FHAD1: variants seen among roughly 807,000 people sequenced by gnomAD.
The protein encoded by FHAD1 is forkhead associated phosphopeptide binding domain 1.
In FHAD1, 146 loss-of-function variants were observed where a neutral mutation model predicts 191.3. The ratio of observed to expected loss-of-function variants is 0.76; its 90% CI spans 0.67 to 0.88. The LOEUF (loss-of-function observed/expected upper bound fraction) is 0.88. Ranked by LOEUF, FHAD1 falls within the 40% of genes least tolerant of loss-of-function variation. FHAD1 has a pLI of 0.00. For synonymous variants in FHAD1, 616 were observed against 672.3 expected, an observed-to-expected ratio of 0.92 and a Z score of 1.29; for missense variants, 1,635 against 1,785.8, an observed-to-expected ratio of 0.92 and a Z score of 1.52.
chr1:15,346,151 C>G (rs1161579020), intron 18 of FHAD1, among the ~76,000 whole-genome samples: 1 of 152,142 alleles, frequency 6.6e-6, no homozygotes, highest in African/African-American at 2.4e-5. Flanking sequence ...CCCAAGCGCC[C>G]TTGTTCCTCA....
intron 2 of FHAD1, among the ~76,000 whole-genome samples, chr1:15,257,369 G>A (rs975493309): frequency 1.3e-5 from 2 of 152,212 alleles, no homozygotes; most frequent in African/African-American, 2.4e-5. Flanking sequence ...CCCATGCTAT[G>A]CGTGAACCCC....
At chr1:15,340,418 C>T (rs1318998142) in intron 15 of FHAD1, among the ~76,000 whole-genome samples, 2 of 152,142 alleles carry the variant, frequency 1.3e-5, no homozygotes, top group Non-Finnish European at 2.9e-5. Flanking sequence ...TGTTAGCTGG[C>T]CTTTGGTTGA....
intron 1 of FHAD1, 91 bp from the exon 2 acceptor site, chr1:15,251,680 T>C: frequency 2.0e-6 from 2 of 997,654 alleles, no homozygotes; most frequent in African/African-American, 3.3e-5. Flanking sequence ...GACATGACTC[T>C]GTGGTTATTT....
chr1:15,327,391 C>T lies in FHAD1; in HGVS notation c.1557+249C>T, dbSNP rs1354586998. On this transcript the variant is annotated intron_variant, in intron 12 of 33. Coordinates refer to ENST00000688493, the MANE Select transcript of FHAD1 (RefSeq NM_001391957.1). The surrounding 1 kb of genome is among the most constrained non-coding windows in gnomAD (Gnocchi z 5.1). ...TAAACCATTCGGGCTTACTTCTGGT[C>T]TCCAGACATGCATGTTTCGCCTCCA... 4.7e-6 allele frequency: 2 copies of T among 424,086 alleles called. No homozygotes were observed. The highest frequency in any genetic ancestry group is 8.4e-6 in the Non-Finnish European group (2 of 237,810). The allele number at this position is 424,086 out of a possible 1,614,324, so 26.3% of individuals were successfully genotyped here. A position where few individuals can be genotyped will look rare whatever the true frequency, so the allele number is the denominator to read the frequency against.
chr1:15,381,185 A>C lies in FHAD1; in HGVS notation c.3802-46A>C. On this transcript the variant is annotated intron_variant, in intron 29 of 33. Coordinates refer to ENST00000688493, the MANE Select transcript of FHAD1 (RefSeq NM_001391957.1). The surrounding 1 kb of genome is among the most constrained non-coding windows in gnomAD (Gnocchi z 4.6). ...CATTGGCCTCCTTAAAGCGGCCACC[A>C]GCGGCCGCGGGTAATGCCTCTTATG... The C allele has an allele frequency of 6.1e-6, 8 of 1,314,614 alleles. No individual in the cohort carries two copies. Among genetic ancestry groups the C allele is most frequent in the African/African-American group, 1.5e-5 (1 of 68,230 alleles). The allele number at this position is 1,314,614 out of a possible 1,614,324, so 81.4% of individuals were successfully genotyped here. A position where few individuals can be genotyped will look rare whatever the true frequency, so the allele number is the denominator to read the frequency against.
Position 15,329,318 on chromosome 1 carries a change from G to A in FHAD1, c.1711-28G>A. Reference sequence around the variant, plus strand: ...GGGCTATTTCTGGCCACAGGGCCTGGGCTCCTCATGATCTCACCTCTTTGC... The same window carrying A: ...GGGCTATTTCTGGCCACAGGGCCTGAGCTCCTCATGATCTCACCTCTTTGC... On this transcript the variant is annotated intron_variant, in intron 13 of 33. Transcript: ENST00000688493. The surrounding 1 kb of genome is among the most constrained non-coding windows in gnomAD (Gnocchi z 5.0). The A allele has an allele frequency of 6.6e-7, 1 of 1,517,696 alleles. No individual in the cohort carries two copies. The highest frequency in any genetic ancestry group is 8.9e-7 in the Non-Finnish European group (1 of 1,123,112). The allele number at this position is 1,517,696 out of a possible 1,614,324, so 94.0% of individuals were successfully genotyped here.
At chr1:15,387,832 C>T (rs1702530323) in intron 31 of FHAD1, among the ~76,000 whole-genome samples, 1 of 152,164 alleles carries the variant, frequency 6.6e-6, no homozygotes, top group Non-Finnish European at 1.5e-5. Flanking sequence ...CTACAGTGAG[C>T]CATCGTCGTG....
chr1:15,293,496 A>G (rs1038460961), intron 4 of FHAD1, among the ~76,000 whole-genome samples: 32 of 152,224 alleles, frequency 2.1e-4, no homozygotes, highest in Non-Finnish European at 2.8e-4. Flanking sequence ...AAGGAGGGCG[A>G]ATCACAAGGT....
At chr1:15,370,459 T>G (rs1001390755) in intron 26 of FHAD1, among the ~76,000 whole-genome samples, 1 of 152,232 alleles carries the variant, frequency 6.6e-6, no homozygotes, top group African/African-American at 2.4e-5. Flanking sequence ...TTCCAACCAG[T>G]CCCCTCTTGA....
chr1:15,264,548 ATGTGTGTGTG>A (rs71572146), intron 2 of FHAD1, among the ~76,000 whole-genome samples: 15 of 147,356 alleles, frequency 1.0e-4, no homozygotes, highest in Non-Finnish European at 1.8e-4. Context: ...ATATGTATAT[ATGTGTGTGTG>A]TGTGTGTGTG....
chr1:15,390,492 G>C (rs1703707069), intron 32 of FHAD1, among the ~76,000 whole-genome samples: 1 of 152,068 alleles, frequency 6.6e-6, no homozygotes, highest in Non-Finnish European at 1.5e-5. Flanking sequence ...CCGGCCCCTG[G>C]GTTTGCTGCC....
At chr1:15,277,683 T>C (rs570979001) in intron 3 of FHAD1, among the ~76,000 whole-genome samples, 2 of 152,170 alleles carry the variant, frequency 1.3e-5, no homozygotes, top group Non-Finnish European at 2.9e-5. Flanking sequence ...GGGGATGATA[T>C]ATCGTGTGGG....
chr1:15,267,821 ATTT>A (rs1172916667), intron 2 of FHAD1, among the ~76,000 whole-genome samples: 1 of 147,318 alleles, frequency 6.8e-6, no homozygotes, highest in Non-Finnish European at 1.5e-5. Context: ...ATAAATATAA[ATTT>A]TATATAGCAT....
rs575846644 is a variant in FHAD1, at chr1:15,381,341, T to G, written c.3912T>G (p.Leu1304=). 29 of 1,551,714 alleles carry G rather than the reference T, an allele frequency of 1.9e-5. No individual in the cohort carries two copies. The Admixed American group carries it at 2.5e-4, about 14-fold the overall frequency. Residue 1304 remains leucine (L), a synonymous_variant, in exon 30 of 34, where the codon CTT becomes CTG. Coordinates refer to ENST00000688493, the MANE Select transcript of FHAD1 (RefSeq NM_001391957.1). The surrounding 1 kb of genome is among the most constrained non-coding windows in gnomAD (Gnocchi z 4.6). Reference sequence around the variant, plus strand: ...AGGAGAGGGAGAAGGTCAACCAGCTTCGACAAAGGGACCTCGACCTGGTGT... The same window carrying G: ...AGGAGAGGGAGAAGGTCAACCAGCTGCGACAAAGGGACCTCGACCTGGTGT... The part of the protein sequence containing the change: ...SRQEREKVNQ[L]RQRDLDLVFD...
chr1:15,308,504 A>G, intron 6 of FHAD1, 109 bp from the exon 7 acceptor site: 1 of 1,454,002 alleles, frequency 6.9e-7, no homozygotes, highest in Non-Finnish European at 9.2e-7. Context: ...TTTCCCCAAC[A>G]CCCCAGCCAA....
intron 18 of FHAD1, among the ~76,000 whole-genome samples, chr1:15,346,388 C>T (rs1688930008): frequency 6.6e-6 from 1 of 152,222 alleles, no homozygotes; most frequent in African/African-American, 2.4e-5. Flanking sequence ...CAAAAATGGA[C>T]TAGAAGCCTT....
intron 3 of FHAD1, among the ~76,000 whole-genome samples, chr1:15,273,827 C>T (rs896933711): frequency 1.3e-5 from 2 of 152,186 alleles, no homozygotes; most frequent in African/African-American, 4.8e-5. Context: ...CACCGTCGAT[C>T]CACAGAACTC....
intron 14 of FHAD1, among the ~76,000 whole-genome samples, chr1:15,333,371 G>A (rs560880361): frequency 7.2e-5 from 11 of 152,228 alleles, no homozygotes; most frequent in African/African-American, 2.2e-4. Flanking sequence ...GGAGGAGGGC[G>A]ATGATGATGG....
At chr1:15,301,573 A>C in intron 6 of FHAD1, 132 bp downstream of exon 6, 1 of 700,912 alleles carries the variant, frequency 1.4e-6, no homozygotes, top group Non-Finnish European at 2.4e-6. Flanking sequence ...AAGAACACAA[A>C]TCCACAAGAC....
Sources: gnomAD v4.1 joint callset for allele counts (sites outside exome capture counted in the v4.1 genomes callset) on GRCh38, gnomAD v4.1.1 for gene constraint, Gnocchi (gnomAD v3.1) non-coding constraint, MANE v1.5 for transcripts, NCBI Gene and HGNC (gene_info 2026-07-23, HGNC 2026-07-21) for gene names.